IL1RAPL2: variants seen among roughly 807,000 people sequenced by gnomAD.
IL1RAPL2 encodes the protein X-linked interleukin-1 receptor accessory protein-like 2.
A neutral mutation model predicts 44.1 loss-of-function variants in IL1RAPL2; 3 were observed. That is an observed-to-expected ratio of 0.07 (90% CI 0.03 to 0.18). The LOEUF is 0.18. IL1RAPL2 is among the 10% of genes least tolerant of loss of function. The probability of loss-of-function intolerance (pLI) is 1.00; values close to 1 mark genes in which losing one functional copy is unlikely to be tolerated. For missense variants in IL1RAPL2, 391 were observed against 496.4 expected (o/e 0.79, Z 2.02); for synonymous variants, 181 against 178.8 (o/e 1.01, Z -0.10).
chrX:105,707,731 G>A (rs140886608), intron 6 of IL1RAPL2, among the ~76,000 whole-genome samples: 5,828 of 111,858 alleles, frequency 0.052, 394 homozygotes, highest in African/African-American at 0.18. Flanking sequence ...TTTCTGTGAT[G>A]ATTAATTTGG....
intron 2 of IL1RAPL2, among the ~76,000 whole-genome samples, chrX:104,808,675 A>G (rs749482760): frequency 8.9e-6 from 1 of 111,933 alleles, no homozygotes; most frequent in Non-Finnish European, 1.9e-5. Context: ...TAGATATAAG[A>G]AAAAGTAAGA....
chrX:105,032,240 G>A (rs1305252584), intron 2 of IL1RAPL2, among the ~76,000 whole-genome samples: 1 of 108,971 alleles, frequency 9.2e-6, no homozygotes, highest in Non-Finnish European at 1.9e-5. Flanking sequence ...GTTCTGCTCT[G>A]ATTTTAGTTA....
At chrX:104,903,965 A>G (rs990946655) in intron 2 of IL1RAPL2, among the ~76,000 whole-genome samples, 7 of 111,854 alleles carry the variant, frequency 6.3e-5, no homozygotes, top group Non-Finnish European at 1.3e-4. Context: ...AGCAAATGTC[A>G]AAGCAGGATT....
intron 6 of IL1RAPL2, among the ~76,000 whole-genome samples, chrX:105,571,451 A>G (rs904010951): frequency 9.0e-6 from 1 of 111,319 alleles, no homozygotes; most frequent in Non-Finnish European, 1.9e-5. Context: ...ACAAGATTGA[A>G]ACATATATTT....
chrX:104,756,252 G>A (rs182198773), intron 2 of IL1RAPL2, among the ~76,000 whole-genome samples: 1 of 101,911 alleles, frequency 9.8e-6, no homozygotes, highest in East Asian at 3.2e-4. Flanking sequence ...TTGTTTCGAA[G>A]GAATGTAATG....
At chrX:105,283,835 A>G (rs892069669) in intron 5 of IL1RAPL2, among the ~76,000 whole-genome samples, 1 of 111,130 alleles carries the variant, frequency 9.0e-6, no homozygotes, top group African/African-American at 3.3e-5. Context: ...GTGTGGGGCA[A>G]TTGATGATTA....
chrX:105,576,980 A>C (rs903680056), intron 6 of IL1RAPL2, among the ~76,000 whole-genome samples: 21 of 111,404 alleles, frequency 1.9e-4, no homozygotes, highest in Middle Eastern at 4.7e-3. Flanking sequence ...CAGGGAAAAA[A>C]ATTACTCTAT....
At position 105,676,260 on chromosome X, in the gene IL1RAPL2, T is replaced by G. The variant is rs1001691513; in HGVS notation, c.773-41107T>G. On this transcript the variant is annotated intron_variant, in intron 6 of 10. Transcript: ENST00000372582. The stretch of plus-strand genomic sequence containing the variant: ...CTTCCACTGGTAGAAAGTAATGAGC[T>G]CATTTAAGATCACTGAAACATCACA... 4.5e-5 allele frequency: 5 copies of G among 112,050 alleles called. No homozygotes were observed. The Admixed American group carries it at 4.8e-4, about 11-fold the overall frequency. 9.2% of individuals were successfully genotyped at this position (112,050 alleles called of 1,213,427 possible).
At chrX:104,906,944 G>C (rs1490238756) in intron 2 of IL1RAPL2, among the ~76,000 whole-genome samples, 1 of 111,391 alleles carries the variant, frequency 9.0e-6, no homozygotes, top group Non-Finnish European at 1.9e-5. Context: ...GACTCTTTTT[G>C]GTTGGTAAGC....
At chrX:105,331,893 T>G (rs1288717233) in intron 5 of IL1RAPL2, among the ~76,000 whole-genome samples, 1 of 110,855 alleles carries the variant, frequency 9.0e-6, no homozygotes, top group Non-Finnish European at 1.9e-5. Context: ...TTTCCTTAAG[T>G]GTGCATTCTG....
At chrX:104,654,440 G>A (rs1401790340) in intron 1 of IL1RAPL2, among the ~76,000 whole-genome samples, 2 of 110,166 alleles carry the variant, frequency 1.8e-5, no homozygotes, top group Admixed American at 1.9e-4. Flanking sequence ...TGCAAACACC[G>A]TGGGGAAAAA....
chrX:105,231,538 C>T (rs782787213), intron 3 of IL1RAPL2, among the ~76,000 whole-genome samples: 3 of 112,074 alleles, frequency 2.7e-5, no homozygotes, highest in Non-Finnish European at 3.8e-5. Context: ...CCTTTTGATG[C>T]CCATTCATTT....
rs771950092 is a variant in IL1RAPL2 at position 105,516,278 on chromosome X, G to T, written c.772+31891G>T. Among the ~76,000 whole-genome samples the T allele has an allele frequency of 1.7e-4, 19 of 112,144 alleles. No individual in the cohort carries two copies. The East Asian group carries it at 5.4e-3, about 32-fold the overall frequency. ...AGCAAAAAGGAACTTTATTCTTCTT[G>T]CATTGGACAGGGAATTTTCATTTAA... is the stretch of plus-strand genomic sequence containing the variant. On this transcript the variant is annotated intron_variant, in intron 6 of 10. Transcript: ENST00000372582.
intron 2 of IL1RAPL2, among the ~76,000 whole-genome samples, chrX:104,754,220 TAAAG>T (rs1300613209): frequency 9.0e-6 from 1 of 111,290 alleles, no homozygotes; most frequent in African/African-American, 3.3e-5. Context: ...ATTAACCAAA[TAAAG>T]AGAATGATCA....
At chrX:104,962,306 A>G (rs1018427254) in intron 2 of IL1RAPL2, among the ~76,000 whole-genome samples, 1 of 112,440 alleles carries the variant, frequency 8.9e-6, no homozygotes, top group Non-Finnish European at 1.9e-5. Flanking sequence ...AAAGGTTATT[A>G]ATACAGTGAA....
At chrX:105,493,429 A>AT (rs777007176) in intron 6 of IL1RAPL2, among the ~76,000 whole-genome samples, 1 of 111,679 alleles carries the variant, frequency 9.0e-6, no homozygotes, top group South Asian at 3.7e-4. Context: ...AGCACTTGTT[A>AT]TTTTTTTATT....
At chrX:105,541,912 A>C (rs1367922403) in intron 6 of IL1RAPL2, among the ~76,000 whole-genome samples, 1 of 110,988 alleles carries the variant, frequency 9.0e-6, no homozygotes, top group Admixed American at 9.6e-5. Context: ...CACCACCCCC[A>C]CACCAGGAAA....
chrX:105,656,339 G>T (rs2037677094), intron 6 of IL1RAPL2, among the ~76,000 whole-genome samples: 1 of 111,958 alleles, frequency 8.9e-6, no homozygotes, highest in African/African-American at 3.2e-5. Flanking sequence ...CCCATTATTT[G>T]TATTATCTTT....
intron 6 of IL1RAPL2, among the ~76,000 whole-genome samples, chrX:105,487,114 A>T (rs1177949583): frequency 9.6e-6 from 1 of 103,811 alleles, no homozygotes; most frequent in Non-Finnish European, 1.9e-5. Context: ...AAAAAAAAAT[A>T]GTACTTGATA....
Sources: gnomAD v4.1 joint callset for allele counts (sites outside exome capture counted in the v4.1 genomes callset) on GRCh38, gnomAD v4.1.1 for gene constraint, MANE v1.5 for transcripts, NCBI Gene and HGNC (gene_info 2026-07-23, HGNC 2026-07-21) for gene names.